The following FBN2 variants were observed in gnomAD, a reference collection of about 807,000 sequenced individuals.
FBN2 encodes the protein fibrillin-2.
FBN2 carries 105 observed loss-of-function variants against 355.6 expected under a neutral mutation model. That is an observed-to-expected ratio of 0.30 (90% confidence interval 0.25 to 0.35). FBN2 has a LOEUF of 0.35. Among genes scored for constraint, FBN2 ranks in the 10% least tolerant of loss-of-function variants. FBN2 has a pLI of 1.00. For synonymous variants in FBN2, 1,350 were observed against 1,301.2 expected (o/e 1.04, Z -0.81); for missense variants, 3,280 against 3,758.7 (o/e 0.87, Z 3.33).
Position 128,274,624 on chromosome 5 carries a change from C to A in FBN2, c.7654G>T (p.Gly2552Trp), listed in dbSNP as rs375790581. The change falls in exon 60 of 65, where the codon GGG (glycine) becomes TGG (tryptophan). Residue 2552 changes from glycine to tryptophan, a missense_variant. Transcript: ENST00000262464. ...NCQFLCVNTL[G>W]GFTCKCPPGF... ...GGTGGACATTTACAGGTAAACCCCCCCAGGGTGTTGACACAGAGGAACTGG... is the reference window on the plus strand; with the variant it reads ...GGTGGACATTTACAGGTAAACCCCCACAGGGTGTTGACACAGAGGAACTGG... 1.9e-6 allele frequency: 3 copies of A among 1,613,560 alleles called. No homozygotes were observed. The highest frequency in any genetic ancestry group is 2.5e-6 in the Non-Finnish European group (3 of 1,179,532).
intron 63 of FBN2, among the ~76,000 whole-genome samples, 196 bp from the exon 64 acceptor site, chr5:128,262,103 G>GT (rs1764990264): frequency 6.6e-6 from 1 of 152,152 alleles, no homozygotes; most frequent in Non-Finnish European, 1.5e-5. Flanking sequence ...CCAAGCTGGA[G>GT]TACAGTGGCA....
intron 58 of FBN2, among the ~76,000 whole-genome samples, chr5:128,276,950 T>C (rs1424882697): frequency 1.2e-4 from 19 of 152,214 alleles, no homozygotes; most frequent in Admixed American, 1.2e-3. Context: ...CCTTGAAATA[T>C]GCCATCTCTT....
intron 7 of FBN2, among the ~76,000 whole-genome samples, chr5:128,413,107 C>A (rs1366947389): frequency 6.6e-6 from 1 of 152,062 alleles, no homozygotes; most frequent in Non-Finnish European, 1.5e-5. Context: ...TTGAGAGAAA[C>A]CAGTAAAAAT....
intron 7 of FBN2, among the ~76,000 whole-genome samples, chr5:128,419,961 C>G (rs1356005988): frequency 6.6e-6 from 1 of 152,150 alleles, no homozygotes; most frequent in East Asian, 1.9e-4. Context: ...TCCCAAAGTG[C>G]TGGGATTACA....
Position 128,296,544 on chromosome 5 carries a change from C to T in FBN2, c.6166+4273G>A, listed in dbSNP as rs1475666686. Among the ~76,000 whole-genome samples, 41 of 152,160 alleles carry T rather than the reference C, an allele frequency of 2.7e-4. No homozygotes were observed. In the East Asian group the frequency reaches 7.9e-3, roughly 29 times the overall value. ...GTTATTGGTCTATTCAGAGATTCAACTTCTTCCTGGTTTAGTCTTGGGAGA... is the reference window on the plus strand; with the variant it reads ...GTTATTGGTCTATTCAGAGATTCAATTTCTTCCTGGTTTAGTCTTGGGAGA... On this transcript the variant is annotated intron_variant, in intron 48 of 64. Coordinates refer to ENST00000262464, the MANE Select transcript of FBN2 (RefSeq NM_001999.4).
At chr5:128,390,372 A>C (rs995203728) in intron 11 of FBN2, among the ~76,000 whole-genome samples, 3 of 151,752 alleles carry the variant, frequency 2.0e-5, no homozygotes, top group African/African-American at 7.3e-5. Flanking sequence ...GATGCTATTT[A>C]CTTTTTTTTT....
At chr5:128,453,813 C>A (rs909370478) in intron 6 of FBN2, among the ~76,000 whole-genome samples, 1 of 152,106 alleles carries the variant, frequency 6.6e-6, no homozygotes, top group South Asian at 2.1e-4. Flanking sequence ...ACTCCTCCCC[C>A]AACTTTTTTT....
chr5:128,421,167 T>C (rs1419005878), intron 7 of FBN2, among the ~76,000 whole-genome samples: 1 of 152,216 alleles, frequency 6.6e-6, no homozygotes. Flanking sequence ...AGGCCTAGAA[T>C]GCCATTTTCA....
chr5:128,435,335 C>T (rs1459170746), intron 7 of FBN2, among the ~76,000 whole-genome samples: 1 of 152,102 alleles, frequency 6.6e-6, no homozygotes, highest in East Asian at 1.9e-4. Context: ...AATATATGCT[C>T]TAGTAAGTCA....
intron 41 of FBN2, among the ~76,000 whole-genome samples, chr5:128,307,779 C>T (rs915589826): frequency 6.6e-6 from 1 of 151,066 alleles, no homozygotes; most frequent in Admixed American, 6.6e-5. Flanking sequence ...ACATAATTAA[C>T]CAAATCAATG....
intron 4 of FBN2, among the ~76,000 whole-genome samples, chr5:128,527,201 A>T (rs1581372419): frequency 6.6e-6 from 1 of 152,196 alleles, no homozygotes; most frequent in East Asian, 1.9e-4. Context: ...AATTTAGAGA[A>T]GATTACCCAA....
intron 2 of FBN2, among the ~76,000 whole-genome samples, chr5:128,533,573 G>C (rs1581376801): frequency 6.6e-6 from 1 of 152,292 alleles, no homozygotes; most frequent in East Asian, 1.9e-4. Flanking sequence ...GCCAGGTAAA[G>C]AATACATAGT....
intron 7 of FBN2, among the ~76,000 whole-genome samples, chr5:128,410,954 C>T (rs943137138): frequency 1.3e-5 from 2 of 152,090 alleles, no homozygotes; most frequent in South Asian, 4.1e-4. Flanking sequence ...AAATAAGGTG[C>T]TTTTTTAAAA....
Position 128,374,733 on chromosome 5 carries a change from T to A in FBN2, c.1990A>T (p.Thr664Ser), listed in dbSNP as rs746408145. Reference protein sequence around the residue: ...RYCTDVDECQTPGICMNGHCI... With the variant: ...RYCTDVDECQSPGICMNGHCI... Reference sequence around the variant, plus strand: ...TGCCCATTCATGCAGATTCCTGGGGTCTGGCATTCATCAACATCTGTGCAG... The same window carrying A: ...TGCCCATTCATGCAGATTCCTGGGGACTGGCATTCATCAACATCTGTGCAG... Residue 664 changes from threonine to serine, a missense_variant, in exon 15 of 65, where the codon ACC (threonine) becomes TCC (serine). Physicochemically the swap from Thr to Ser is moderately conservative, Grantham distance 58. Coordinates refer to ENST00000262464, the MANE Select transcript of FBN2 (RefSeq NM_001999.4). The A allele has an allele frequency of 6.8e-6, 11 of 1,613,800 alleles. No individual in the cohort carries two copies. Among genetic ancestry groups the A allele is most frequent in the Non-Finnish European group, 8.5e-6 (10 of 1,179,884 alleles).
chr5:128,357,612 C>T (rs1016634583), intron 19 of FBN2, among the ~76,000 whole-genome samples: 16 of 152,310 alleles, frequency 1.1e-4, no homozygotes, highest in African/African-American at 3.6e-4. Flanking sequence ...CCACAGTGAT[C>T]AGCCTATTGG....
intron 7 of FBN2, among the ~76,000 whole-genome samples, chr5:128,435,285 GTCATTTCATTGC>G (rs1753744858): frequency 6.6e-6 from 1 of 152,110 alleles, no homozygotes; most frequent in Admixed American, 6.5e-5. Context: ...TAGACTTGGG[GTCATTTCATTGC>G]CTGTTAATAC....
chr5:128,344,895 T>A (rs1751129534), intron 24 of FBN2, among the ~76,000 whole-genome samples: 1 of 152,036 alleles, frequency 6.6e-6, no homozygotes, highest in Admixed American at 6.5e-5. Context: ...GAGACGGGGT[T>A]TCACCATGTT....
At chr5:128,406,578 C>T (rs1752933047) in intron 8 of FBN2, among the ~76,000 whole-genome samples, 1 of 152,102 alleles carries the variant, frequency 6.6e-6, no homozygotes, top group African/African-American at 2.4e-5. Context: ...GTCACTTGCA[C>T]ATAAGCACTG....
At chr5:128,496,941 C>G (rs541638671) in intron 5 of FBN2, among the ~76,000 whole-genome samples, 1 of 151,876 alleles carries the variant, frequency 6.6e-6, no homozygotes, top group African/African-American at 2.4e-5. Context: ...TGAAACAACT[C>G]TATTACAATA....
Sources: gnomAD v4.1 joint callset for allele counts (sites outside exome capture counted in the v4.1 genomes callset) on GRCh38, gnomAD v4.1.1 for gene constraint, MANE v1.5 for transcripts, NCBI Gene and HGNC (gene_info 2026-07-23, HGNC 2026-07-21) for gene names.